Variants in PUM1 observed in about 807,000 individuals in gnomAD.
The protein encoded by PUM1 is pumilio RNA binding family member 1.
Under a neutral mutation model 131.8 loss-of-function variants are expected in PUM1, and 13 were observed. That is an observed-to-expected ratio of 0.10 (90% CI 0.06 to 0.16). The LOEUF is 0.16. Among genes scored for constraint, PUM1 ranks in the 10% least tolerant of loss-of-function variants. The pLI is 1.00. For synonymous variants in PUM1, 509 were observed against 556.5 expected (o/e 0.91, Z 1.20); for missense variants, 961 against 1,512.4 (o/e 0.64, Z 6.05).
chr1:30,933,109 G>A lies in PUM1; in HGVS notation c.*102C>T, dbSNP rs1639024074. 3 of 1,382,382 alleles carry A rather than the reference G, an allele frequency of 2.2e-6. No homozygotes were observed. The highest frequency in any genetic ancestry group is 5.2e-5 in the Admixed American group (2 of 38,146). The allele number at this position is 1,382,382 out of a possible 1,614,324, so 85.6% of individuals were successfully genotyped here. ...GGGAGTAATCCTGGAGCAACCACTT[G>A]CCCGTCTCAGACTCTACACTAGAAC... On this transcript the variant is annotated 3_prime_UTR_variant, in exon 22 of 22. Coordinates refer to ENST00000426105, the MANE Select transcript of PUM1 (RefSeq NM_001020658.2).
chr1:31,053,899 A>G (rs1322130447), intron 2 of PUM1, among the ~76,000 whole-genome samples: 5 of 152,034 alleles, frequency 3.3e-5, no homozygotes, highest in Non-Finnish European at 7.4e-5. Flanking sequence ...GTTCGAGACT[A>G]GCCTGGCCAA....
chr1:31,039,954 T>C (rs1450825517), intron 2 of PUM1, among the ~76,000 whole-genome samples: 1 of 152,172 alleles, frequency 6.6e-6, no homozygotes, highest in East Asian at 1.9e-4. Flanking sequence ...CTCACACCTG[T>C]AATCCCTGGG....
At chr1:31,018,574 C>T (rs758677012) in intron 3 of PUM1, among the ~76,000 whole-genome samples, 11 of 151,544 alleles carry the variant, frequency 7.3e-5, no homozygotes, top group Non-Finnish European at 1.0e-4. Flanking sequence ...AGGAGAATTG[C>T]TTGAACCTAG....
At chr1:31,041,094 A>C (rs1309300568) in intron 2 of PUM1, among the ~76,000 whole-genome samples, 1 of 152,216 alleles carries the variant, frequency 6.6e-6, no homozygotes, top group African/African-American at 2.4e-5. Context: ...GGAGGCAGAA[A>C]TCTAGGATAG....
In PUM1 at chr1:30,954,015, C is replaced by T. The variant is rs369698753; in HGVS notation, c.2324-34G>A. ...TACAGAACAGGATAACTTAAGACCA[C>T]TCTTCAGCAACTTCATTCAAGAGAG... On this transcript the variant is annotated intron_variant, in intron 14 of 21. Coordinates refer to ENST00000426105, the MANE Select transcript of PUM1 (RefSeq NM_001020658.2). 3.0e-4 allele frequency: 480 copies of T among 1,589,130 alleles called. 1 individual carries two copies. Among genetic ancestry groups the T allele is most frequent in the Non-Finnish European group, 4.0e-4 (464 of 1,164,974 alleles).
chr1:31,017,418 G>C (rs1216627984), intron 3 of PUM1, among the ~76,000 whole-genome samples: 1 of 152,174 alleles, frequency 6.6e-6, no homozygotes, highest in African/African-American at 2.4e-5. Flanking sequence ...AGAATTTAGA[G>C]CAAGCTTGTC....
At chr1:30,985,496 T>A (rs532017960) in intron 7 of PUM1, among the ~76,000 whole-genome samples, 1 of 151,680 alleles carries the variant, frequency 6.6e-6, no homozygotes, top group East Asian at 1.9e-4. Context: ...CTAATAAAAA[T>A]ACAAAATTAG....
At chr1:30,938,929 AGACAGACAGACAGAC>A (rs1268464451) in intron 20 of PUM1, among the ~76,000 whole-genome samples, 2 of 150,456 alleles carry the variant, frequency 1.3e-5, no homozygotes. Flanking sequence ...ACAGACAGAC[AGACAGACAGACAGAC>A]AGATAGACAG....
In PUM1 at chr1:31,032,326, T is replaced by C. The variant is rs561597036; in HGVS notation, c.364-3462A>G. 3.9e-5 allele frequency among the ~76,000 whole-genome samples: 6 copies of C among 152,300 alleles called. No homozygotes were observed. In the East Asian group the frequency reaches 1.2e-3, roughly 29 times the overall value. ...AAGAGAAATCAAAAAATGAAGGCAC[T>C]GTAAGAAATATTTGTAAGAAATATT... On this transcript the variant is annotated intron_variant, in intron 2 of 21. Coordinates refer to ENST00000426105, the MANE Select transcript of PUM1 (RefSeq NM_001020658.2).
intron 14 of PUM1, among the ~76,000 whole-genome samples, chr1:30,957,313 G>C (rs1019356574): frequency 6.6e-6 from 1 of 152,134 alleles, no homozygotes; most frequent in Non-Finnish European, 1.5e-5. Context: ...AAAAAAATGC[G>C]TGACAAATAG....
chr1:30,965,948 T>G (rs1287130660), intron 13 of PUM1, 34 bp downstream of exon 13: 2 of 1,554,526 alleles, frequency 1.3e-6, no homozygotes, highest in Admixed American at 3.9e-5. Flanking sequence ...ATAATTAAAA[T>G]TCAGTCTTAA....
intron 18 of PUM1, among the ~76,000 whole-genome samples, chr1:30,942,670 C>T (rs1290472118): frequency 3.3e-5 from 5 of 152,274 alleles, no homozygotes; most frequent in Non-Finnish European, 5.9e-5. Flanking sequence ...TAGTGGCATA[C>T]ATCTCACAAC....
intron 20 of PUM1, among the ~76,000 whole-genome samples, chr1:30,939,955 A>T (rs1639375201): frequency 6.6e-6 from 1 of 152,228 alleles, no homozygotes; most frequent in Non-Finnish European, 1.5e-5. Context: ...AATACTGTGA[A>T]CAAAAATGTA....
At chr1:31,013,304 A>G (rs926461769) in intron 3 of PUM1, among the ~76,000 whole-genome samples, 3 of 152,336 alleles carry the variant, frequency 2.0e-5, no homozygotes, top group East Asian at 1.9e-4. Context: ...GGATTTATCA[A>G]TGAGGTTTAC....
chr1:31,015,371 T>G (rs1478567943), intron 3 of PUM1, among the ~76,000 whole-genome samples: 2 of 152,060 alleles, frequency 1.3e-5, no homozygotes, highest in African/African-American at 4.8e-5. Context: ...AGACGGAGTC[T>G]CGCTCTGTTG....
chr1:31,018,843 TAA>T (rs1253268499), intron 3 of PUM1, among the ~76,000 whole-genome samples: 3 of 152,020 alleles, frequency 2.0e-5, no homozygotes, highest in Non-Finnish European at 4.4e-5. Flanking sequence ...CAGAATCCAT[TAA>T]GTCTCCTGTG....
chr1:31,055,975 G>A (rs559566248), intron 2 of PUM1, among the ~76,000 whole-genome samples: 3 of 152,212 alleles, frequency 2.0e-5, no homozygotes, highest in African/African-American at 7.2e-5. Flanking sequence ...TATGATTTTT[G>A]AATAACATTT....
chr1:30,980,289 G>C lies in PUM1; in HGVS notation c.1253-126C>G, dbSNP rs1028796010. 25 of 753,184 alleles carry C rather than the reference G, an allele frequency of 3.3e-5. No individual in the cohort carries two copies. In the Admixed American group the frequency reaches 5.1e-4, roughly 15 times the overall value. The allele number at this position is 753,184 out of a possible 1,614,324, so 46.7% of individuals were successfully genotyped here. A position where few individuals can be genotyped will look rare whatever the true frequency, so the allele number is the denominator to read the frequency against. On this transcript the variant is annotated intron_variant, in intron 8 of 21. Transcript: ENST00000426105. ...GAAAAAATGAAAAAAGAGAAGACGGGACAGGTTGAGGGTAAAGAGAAATTT... is the reference window on the plus strand; with the variant it reads ...GAAAAAATGAAAAAAGAGAAGACGGCACAGGTTGAGGGTAAAGAGAAATTT...
chr1:31,000,468 G>A (rs1243366492), intron 5 of PUM1, among the ~76,000 whole-genome samples: 1 of 152,124 alleles, frequency 6.6e-6, no homozygotes, highest in African/African-American at 2.4e-5. Context: ...CAAAGAACTG[G>A]GAGAAAAGCA....
Sources: gnomAD v4.1 joint callset for allele counts (sites outside exome capture counted in the v4.1 genomes callset) on GRCh38, gnomAD v4.1.1 for gene constraint, MANE v1.5 for transcripts, NCBI Gene and HGNC (gene_info 2026-07-23, HGNC 2026-07-21) for gene names.